ANO4: variants seen among roughly 807,000 people sequenced by gnomAD.
The protein encoded by ANO4 is anoctamin 4.
A neutral mutation model predicts 141.9 loss-of-function variants in ANO4; 69 were observed. That is an observed-to-expected ratio of 0.49 (90% CI 0.40 to 0.59). The LOEUF (loss-of-function observed/expected upper bound fraction) is 0.59. Among genes scored for constraint, ANO4 ranks in the 20% least tolerant of loss-of-function variants. The pLI is 0.00. For missense variants in ANO4, 894 were observed against 1,162.2 expected, an observed-to-expected ratio of 0.77 and a Z score of 3.36; for synonymous variants, 350 against 394.3, an observed-to-expected ratio of 0.89 and a Z score of 1.33.
At chr12:100,930,187 GT>G (rs1386543874) in intron 3 of ANO4, among the ~76,000 whole-genome samples, 13 of 152,082 alleles carry the variant, frequency 8.5e-5, no homozygotes, top group Non-Finnish European at 1.8e-4. Context: ...TTAACTTGAT[GT>G]GATCCCATTT....
intron 8 of ANO4, among the ~76,000 whole-genome samples, chr12:101,017,168 T>C (rs1002253857): frequency 3.9e-5 from 6 of 152,172 alleles, no homozygotes; most frequent in African/African-American, 1.4e-4. Context: ...TCCAAATGGC[T>C]GAGGAGGCCT....
rs1386044556 is a variant in ANO4, at chr12:100,855,241, CT to C, written c.-140-46404del. Among the ~76,000 whole-genome samples, 4 of 151,996 alleles carry C rather than the reference CT, an allele frequency of 2.6e-5. No individual in the cohort carries two copies. In the East Asian group the frequency reaches 7.7e-4, roughly 29 times the overall value. ...ATTTTGGTCCATCGTATCCTTTTTT[CT>C]CCCCTTTATTTGTTTTATTGTCAAT... On this transcript the variant is annotated intron_variant, in intron 1 of 27. Coordinates refer to ENST00000392977, the MANE Select transcript of ANO4 (RefSeq NM_001286615.2).
intron 8 of ANO4, among the ~76,000 whole-genome samples, chr12:100,996,794 T>C (rs1409941884): frequency 6.6e-6 from 1 of 152,194 alleles, no homozygotes; most frequent in African/African-American, 2.4e-5. Flanking sequence ...TTCTTATCTT[T>C]TGACTGTTCT....
chr12:100,927,980 C>T (rs1050168759), intron 3 of ANO4, among the ~76,000 whole-genome samples: 1 of 152,088 alleles, frequency 6.6e-6, no homozygotes, highest in East Asian at 1.9e-4. Context: ...GCACGTGTGT[C>T]TACATAATCA....
Position 100,987,572 on chromosome 12 carries a change from G to C in ANO4, c.636G>C (p.Trp212Cys). ...IDKQISRFRRWLPKKPMRLDK... is the reference protein window; with the variant it reads ...IDKQISRFRRCLPKKPMRLDK... ...AACAAATAAGCAGGTTTCGGAGATGGTTACCTAAGAAGCCAATGAGGCTGG... is the reference window on the plus strand; with the variant it reads ...AACAAATAAGCAGGTTTCGGAGATGCTTACCTAAGAAGCCAATGAGGCTGG... The change falls in exon 8 of 28, where the codon TGG becomes TGC. Residue 212 changes from tryptophan (W) to cysteine (C), a missense_variant. Coordinates refer to ENST00000392977, the MANE Select transcript of ANO4 (RefSeq NM_001286615.2). 6.2e-7 allele frequency: 1 copy of C among 1,614,036 alleles called. No individual in the cohort carries two copies. Among genetic ancestry groups the C allele is most frequent in the Non-Finnish European group, 8.5e-7 (1 of 1,179,970 alleles).
intron 2 of ANO4, among the ~76,000 whole-genome samples, chr12:100,912,838 C>G (rs531676356): frequency 1.3e-5 from 2 of 152,302 alleles, no homozygotes; most frequent in South Asian, 4.1e-4. Flanking sequence ...CTTTGGACTT[C>G]TGTTTTATTT....
At chr12:100,782,757 AG>A (rs2033750318) in intron 3 of ANO4, among the ~76,000 whole-genome samples, 1 of 151,692 alleles carries the variant, frequency 6.6e-6, no homozygotes, top group Non-Finnish European at 1.5e-5. Context: ...GATATTTTAT[AG>A]ACTTCCTTCC....
At chr12:100,924,279 C>T (rs1428553440) in intron 3 of ANO4, among the ~76,000 whole-genome samples, 3 of 151,876 alleles carry the variant, frequency 2.0e-5, no homozygotes, top group African/African-American at 7.3e-5. Flanking sequence ...TTTAGTTATC[C>T]CCATTTATCA....
intron 14 of ANO4, among the ~76,000 whole-genome samples, chr12:101,054,666 A>T (rs1286220275): frequency 4.6e-5 from 7 of 151,974 alleles, no homozygotes; most frequent in South Asian, 2.1e-4. Context: ...CGCCCAGCTA[A>T]TTTTTTTGTA....
At chr12:100,730,698 G>T (rs1457669949) in intron 1 of ANO4, among the ~76,000 whole-genome samples, 7 of 152,118 alleles carry the variant, frequency 4.6e-5, no homozygotes, top group Non-Finnish European at 1.0e-4. Context: ...AATCTTGCAT[G>T]CCCAGTGCTA....
chr12:100,834,822 G>T (rs2036818052), intron 1 of ANO4, among the ~76,000 whole-genome samples: 1 of 152,124 alleles, frequency 6.6e-6, no homozygotes, highest in Non-Finnish European at 1.5e-5. Context: ...AAAACTGATG[G>T]ATGTGAGGAA....
chr12:100,934,827 C>T (rs918936485), intron 3 of ANO4, among the ~76,000 whole-genome samples: 2 of 152,018 alleles, frequency 1.3e-5, no homozygotes, highest in Admixed American at 1.3e-4. Flanking sequence ...AGTTGTATTC[C>T]TAGGTATTTT....
intron 3 of ANO4, among the ~76,000 whole-genome samples, chr12:100,772,919 A>G (rs2033360476): frequency 6.6e-6 from 1 of 152,342 alleles, no homozygotes; most frequent in Admixed American, 6.5e-5. Context: ...TTGCCTTTGA[A>G]GTCTCCTGTT....
chr12:101,029,720 G>T (rs1256766020), intron 9 of ANO4, among the ~76,000 whole-genome samples: 1 of 151,760 alleles, frequency 6.6e-6, no homozygotes, highest in Non-Finnish European at 1.5e-5. Flanking sequence ...GACCATCCTG[G>T]CCAACATGGT....
At chr12:100,951,741 T>G (rs1490913879) in intron 5 of ANO4, among the ~76,000 whole-genome samples, 1 of 152,196 alleles carries the variant, frequency 6.6e-6, no homozygotes, top group African/African-American at 2.4e-5. Context: ...AATCCTGAGT[T>G]TGCTACAAAA....
chr12:101,014,501 G>A (rs2046234473), intron 8 of ANO4, among the ~76,000 whole-genome samples: 2 of 152,180 alleles, frequency 1.3e-5, no homozygotes, highest in African/African-American at 4.8e-5. Context: ...CTCATGGGGT[G>A]TGATGGAGAT....
intron 1 of ANO4, among the ~76,000 whole-genome samples, chr12:100,721,704 T>C (rs1480374459): frequency 6.6e-6 from 1 of 152,034 alleles, no homozygotes; most frequent in African/African-American, 2.4e-5. Context: ...TTTGAGACAA[T>C]GTCTCACTCT....
chr12:100,918,629 A>T (rs2041460875), intron 2 of ANO4, among the ~76,000 whole-genome samples: 1 of 152,156 alleles, frequency 6.6e-6, no homozygotes, highest in African/African-American at 2.4e-5. Flanking sequence ...AGTGCAATAC[A>T]TTACTCACGT....
chr12:100,867,893 C>G (rs2038837153), intron 1 of ANO4, among the ~76,000 whole-genome samples: 1 of 152,142 alleles, frequency 6.6e-6, no homozygotes, highest in Non-Finnish European at 1.5e-5. Context: ...TGCCCTCATG[C>G]AATGAATCAG....
Sources: gnomAD v4.1 joint callset for allele counts (sites outside exome capture counted in the v4.1 genomes callset) on GRCh38, gnomAD v4.1.1 for gene constraint, MANE v1.5 for transcripts, NCBI Gene and HGNC (gene_info 2026-07-23, HGNC 2026-07-21) for gene names.